Variants in ANKFN1 observed in about 807,000 individuals in gnomAD.
ANKFN1 encodes ankyrin repeat and fibronectin type-III domain-containing protein 1.
Under a neutral mutation model 108.7 loss-of-function variants are expected in ANKFN1, and 74 were observed. The observed-to-expected ratio is 0.68, with a 90% CI of 0.56 to 0.83. The LOEUF (loss-of-function observed/expected upper bound fraction) is 0.83. Ranked by LOEUF, ANKFN1 falls within the 40% of genes least tolerant of loss-of-function variation. The probability of loss-of-function intolerance (pLI) is 0.00; values close to 1 mark genes in which losing one functional copy is unlikely to be tolerated. For synonymous variants in ANKFN1, 547 were observed against 516.2 expected, an observed-to-expected ratio of 1.06 and a Z score of -0.81; for missense variants, 1,505 against 1,382.3, an observed-to-expected ratio of 1.09 and a Z score of -1.41.
At chr17:56,259,734 C>T (rs1433135940) in intron 3 of ANKFN1, among the ~76,000 whole-genome samples, 4 of 152,098 alleles carry the variant, frequency 2.6e-5, no homozygotes, top group South Asian at 2.1e-4. Flanking sequence ...TCAATGACTC[C>T]GTAGTTAATG....
rs180750629 is a variant in ANKFN1 at position 56,101,094 on chromosome 17, G to A, written c.288+54769G>A. Among the ~76,000 whole-genome samples the A allele has an allele frequency of 3.3e-5, 5 of 152,130 alleles. No individual in the cohort carries two copies. The East Asian group carries it at 9.7e-4, about 29-fold the overall frequency. On this transcript the variant is annotated intron_variant, in intron 4 of 12. Coordinates refer to the ANKFN1 transcript ENST00000635860. ...CGTACGTGGATACAATGAGACAATGGCCCTCTACAATCCAGGAAGTGAACA... is the reference window on the plus strand; with the variant it reads ...CGTACGTGGATACAATGAGACAATGACCCTCTACAATCCAGGAAGTGAACA...
At chr17:56,193,454 G>A (rs1382333842) in intron 1 of ANKFN1, among the ~76,000 whole-genome samples, 1 of 148,906 alleles carries the variant, frequency 6.7e-6, no homozygotes, top group East Asian at 2.0e-4. Context: ...TTTATTTGTA[G>A]CGTTTTTAAA....
chr17:56,046,702 C>A (rs985312207), intron 4 of ANKFN1, among the ~76,000 whole-genome samples: 1 of 149,620 alleles, frequency 6.7e-6, no homozygotes, highest in Non-Finnish European at 1.5e-5. Flanking sequence ...TGCTATCAAG[C>A]GCCTTAATGT....
At position 56,492,364 on chromosome 17, in the gene ANKFN1, G is replaced by T; in HGVS notation, c.2427+11G>T. 1 of 700,314 alleles carries T rather than the reference G, an allele frequency of 1.4e-6. No homozygotes were observed. The highest frequency in any genetic ancestry group is 2.6e-6 in the Non-Finnish European group (1 of 382,840). The allele number at this position is 700,314 out of a possible 1,614,324, so 43.4% of individuals were successfully genotyped here. A position where few individuals can be genotyped will look rare whatever the true frequency, so the allele number is the denominator to read the frequency against. ...TTAGATTTCATTCAGGTAATTGTTTGTTCCTTCTGGGGTAAAAGGAAGGGA... is the reference window on the plus strand; with the variant it reads ...TTAGATTTCATTCAGGTAATTGTTTTTTCCTTCTGGGGTAAAAGGAAGGGA... On this transcript the variant is annotated intron_variant, in intron 19 of 20. Transcript: ENST00000682825.
chr17:56,060,992 A>G (rs968515375), intron 4 of ANKFN1, among the ~76,000 whole-genome samples: 3 of 152,184 alleles, frequency 2.0e-5, no homozygotes, highest in Non-Finnish European at 2.9e-5. Flanking sequence ...TGTTTGGAAT[A>G]GTTTCAGAAG....
intron 3 of ANKFN1, among the ~76,000 whole-genome samples, chr17:56,240,951 T>C (rs2143997361): frequency 6.6e-6 from 1 of 152,234 alleles, no homozygotes; most frequent in Non-Finnish European, 1.5e-5. Flanking sequence ...ATTTTCCAAC[T>C]CTGTTTTTGG....
At position 56,510,594 on chromosome 17, in the gene ANKFN1, C is replaced by T. The variant is rs1277949816; in HGVS notation, c.2766C>T (p.His922=). The change falls in exon 21 of 21, where the codon CAC becomes CAT. Residue 922 remains histidine, a synonymous_variant. Coordinates refer to ENST00000682825, the MANE Select transcript of ANKFN1 (RefSeq NM_001370326.1). The stretch of plus-strand genomic sequence containing the variant: ...TGGACCTGGTCTACCTATCATCTCA[C>T]GACATTGCGCAGCAGACCCTTAGCG... ...RDLDLVYLSS[H]DIAQQTLSGL... The T allele has an allele frequency of 1.3e-6, 2 of 1,536,160 alleles. No homozygotes were observed. The highest frequency in any genetic ancestry group is 2.0e-5 in the Admixed American group (1 of 51,006).
intron 8 of ANKFN1, among the ~76,000 whole-genome samples, chr17:56,429,484 A>G (rs936854918): frequency 1.3e-5 from 2 of 152,232 alleles, no homozygotes; most frequent in Non-Finnish European, 2.9e-5. Flanking sequence ...TTGAATTTAA[A>G]TTTCATATAA....
chr17:56,408,164 A>G lies in ANKFN1; in HGVS notation c.911-32163A>G, dbSNP rs571750463. Among the ~76,000 whole-genome samples the G allele has an allele frequency of 3.9e-5, 6 of 152,062 alleles. No individual in the cohort carries two copies. The South Asian group carries it at 8.3e-4, about 21-fold the overall frequency. On this transcript the variant is annotated intron_variant, in intron 8 of 20. Coordinates refer to ENST00000682825, the MANE Select transcript of ANKFN1 (RefSeq NM_001370326.1). ...TGGCCAGGTTGGTCTTGAATTCCCAACCTCAGGGGATCTGCCCACCTCGGC... is the reference window on the plus strand; with the variant it reads ...TGGCCAGGTTGGTCTTGAATTCCCAGCCTCAGGGGATCTGCCCACCTCGGC...
At chr17:56,272,930 AT>A (rs894861680) in intron 3 of ANKFN1, among the ~76,000 whole-genome samples, 1 of 152,052 alleles carries the variant, frequency 6.6e-6, no homozygotes, top group Non-Finnish European at 1.5e-5. Flanking sequence ...TTTCCTTTAC[AT>A]TTTTGCCAGG....
At chr17:56,250,690 T>C (rs564034924) in intron 3 of ANKFN1, among the ~76,000 whole-genome samples, 2 of 152,294 alleles carry the variant, frequency 1.3e-5, no homozygotes, top group East Asian at 3.9e-4. Flanking sequence ...TTAGGAAATA[T>C]GGTGTTCAGC....
At chr17:56,188,581 G>GTGTGTGTGTGTGTA (rs1212242378) in intron 1 of ANKFN1, among the ~76,000 whole-genome samples, 17 of 49,650 alleles carry the variant, frequency 3.4e-4, no homozygotes, top group African/African-American at 1.2e-3. Context: ...GTGTGTGTGT[G>GTGTGTGTGTGTGTA]TATATATATA....
chr17:56,148,335 T>G (rs1210423870), intron 4 of ANKFN1, among the ~76,000 whole-genome samples: 2 of 152,234 alleles, frequency 1.3e-5, no homozygotes, highest in African/African-American at 4.8e-5. Context: ...ACGAATGGGA[T>G]GATTCTCCTA....
intron 20 of ANKFN1, among the ~76,000 whole-genome samples, chr17:56,499,909 T>C (rs2051313767): frequency 2.0e-5 from 3 of 152,240 alleles, no homozygotes. Flanking sequence ...CTTGATTCTA[T>C]AGTTTGCAAG....
chr17:56,254,671 C>T (rs2043315838), intron 3 of ANKFN1, among the ~76,000 whole-genome samples: 1 of 152,176 alleles, frequency 6.6e-6, no homozygotes, highest in Non-Finnish European at 1.5e-5. Context: ...ACCAGGGAAG[C>T]TTTGAAAAAG....
chr17:56,133,535 TGTGTGTGTGTGTGTG>T (rs1907411999), intron 4 of ANKFN1, among the ~76,000 whole-genome samples: 1 of 33,678 alleles, frequency 3.0e-5, no homozygotes, highest in Non-Finnish European at 6.0e-5. Context: ...TACCTGTGTG[TGTGTGTGTGTGTGTG>T]TGTGTGTGTG....
chr17:56,463,144 G>C (rs899518464), intron 14 of ANKFN1, among the ~76,000 whole-genome samples: 1 of 152,164 alleles, frequency 6.6e-6, no homozygotes, highest in Non-Finnish European at 1.5e-5. Context: ...TAACAGACTA[G>C]GTGCCAGGCA....
Position 56,457,955 on chromosome 17 carries a change from G to A in ANKFN1, c.1533G>A (p.Met511Ile). The A allele has an allele frequency of 6.2e-7, 1 of 1,614,052 alleles. No individual in the cohort carries two copies. The highest frequency in any genetic ancestry group is 8.5e-7 in the Non-Finnish European group (1 of 1,179,968). ...SSTVLQTRQK[M>I]LAATAQLQNL... ...CAGTGCTGCAAACTCGGCAGAAGATGCTCGCAGCAACAGCACAGCTACAGG... is the reference window on the plus strand; with the variant it reads ...CAGTGCTGCAAACTCGGCAGAAGATACTCGCAGCAACAGCACAGCTACAGG... The change falls in exon 14 of 21, where the codon ATG (methionine) becomes ATA (isoleucine). Residue 511 changes from methionine to isoleucine, a missense_variant. Physicochemically the swap from Met to Ile is conservative, Grantham distance 10. Transcript: ENST00000682825.
intron 4 of ANKFN1, among the ~76,000 whole-genome samples, chr17:56,114,074 G>A (rs1906127904): frequency 6.6e-6 from 1 of 152,164 alleles, no homozygotes; most frequent in Non-Finnish European, 1.5e-5. Flanking sequence ...CCAAGCAAGA[G>A]AACCAAAACA....
Sources: gnomAD v4.1 joint callset for allele counts (sites outside exome capture counted in the v4.1 genomes callset) on GRCh38, gnomAD v4.1.1 for gene constraint, MANE v1.5 for transcripts, NCBI Gene and HGNC (gene_info 2026-07-23, HGNC 2026-07-21) for gene names.